ST18: variants seen among roughly 807,000 people sequenced by gnomAD.
ST18 encodes suppression of tumorigenicity 18 protein.
ST18 carries 50 observed loss-of-function variants against 110.0 expected under a neutral mutation model. The observed-to-expected ratio is 0.45, with a 90% CI of 0.36 to 0.58. The LOEUF is 0.58. Among genes scored for constraint, ST18 ranks in the 20% least tolerant of loss-of-function variants. The probability of loss-of-function intolerance (pLI) is 0.00; values close to 1 mark genes in which losing one functional copy is unlikely to be tolerated. For synonymous variants in ST18, 461 were observed against 452.4 expected, an observed-to-expected ratio of 1.02 and a Z score of -0.24; for missense variants, 1,306 against 1,280.1, an observed-to-expected ratio of 1.02 and a Z score of -0.31.
chr8:52,383,021 T>C (rs1175415606), intron 2 of ST18, among the ~76,000 whole-genome samples: 1 of 152,194 alleles, frequency 6.6e-6, no homozygotes, highest in Non-Finnish European at 1.5e-5. Flanking sequence ...TCTCCTTCTC[T>C]TCTCTCCCTT....
At position 52,113,954 on chromosome 8, in the gene ST18, G is replaced by GTTTTTTTTTTTTTTTTTTTTTTT. The variant is rs1158213340; in HGVS notation, c.3004-639_3004-617dup. ...CAAAGTTTAAATTTATTCATACCGT[G>GTTTTTTTTTTTTTTTTTTTTTTT]TTTTTTTTTTTTTTTTTTTTTTTTT... On this transcript the variant is annotated intron_variant, in intron 25 of 25. Transcript: ENST00000689386. Among the ~76,000 whole-genome samples the GTTTTTTTTTTTTTTTTTTTTTTT allele has an allele frequency of 8.8e-5, 4 of 45,422 alleles. 2 individuals carry two copies. Among genetic ancestry groups the GTTTTTTTTTTTTTTTTTTTTTTT allele is most frequent in the Admixed American group, 9.5e-4 (2 of 2,100 alleles). The allele number at this position is 45,422 out of a possible 152,430, so 29.8% of individuals were successfully genotyped here. A position where few individuals can be genotyped will look rare whatever the true frequency, so the allele number is the denominator to read the frequency against.
intron 10 of ST18, among the ~76,000 whole-genome samples, chr8:52,167,582 C>T (rs1043552057): frequency 6.6e-6 from 1 of 152,224 alleles, no homozygotes; most frequent in Non-Finnish European, 1.5e-5. Flanking sequence ...GAGATTCCAA[C>T]ACCCCCACGG....
intron 15 of ST18, among the ~76,000 whole-genome samples, chr8:52,155,212 A>C (rs2132784300): frequency 6.6e-6 from 1 of 152,050 alleles, no homozygotes. Flanking sequence ...AAAAAAAAAA[A>C]AAATTAAATT....
At chr8:52,335,352 A>T (rs140553977) in intron 2 of ST18, among the ~76,000 whole-genome samples, 8 of 152,232 alleles carry the variant, frequency 5.3e-5, no homozygotes, top group Non-Finnish European at 1.0e-4. Flanking sequence ...GGGATCCACC[A>T]CCAATCCTCT....
chr8:52,303,559 A>C (rs2095763983), intron 2 of ST18, among the ~76,000 whole-genome samples: 1 of 152,208 alleles, frequency 6.6e-6, no homozygotes, highest in Non-Finnish European at 1.5e-5. Flanking sequence ...CTTAATCAAG[A>C]GATCACAGTG....
At chr8:52,132,447 C>T (rs1301645550) in intron 21 of ST18, among the ~76,000 whole-genome samples, 2 of 152,112 alleles carry the variant, frequency 1.3e-5, no homozygotes, top group Non-Finnish European at 1.5e-5. Context: ...AACCTGCCGC[C>T]CATTTTATAA....
chr8:52,358,646 G>A (rs139814701), intron 2 of ST18, among the ~76,000 whole-genome samples: 86 of 151,782 alleles, frequency 5.7e-4, no homozygotes, highest in African/African-American at 1.9e-3. Context: ...AAACTGACTC[G>A]AGAAGAAATA....
At chr8:52,398,402 T>A (rs1291011357) in intron 2 of ST18, among the ~76,000 whole-genome samples, 1 of 152,206 alleles carries the variant, frequency 6.6e-6, no homozygotes, top group Non-Finnish European at 1.5e-5. Context: ...TTGGATACTT[T>A]CTATTTCTTT....
Position 52,361,799 on chromosome 8 carries a change from G to C in ST18, c.-465+47529C>G, listed in dbSNP as rs1032647683. 2.0e-5 allele frequency among the ~76,000 whole-genome samples: 3 copies of C among 152,150 alleles called. No individual in the cohort carries two copies. In the South Asian group the frequency reaches 6.2e-4, roughly 32 times the overall value. ...CGTTTGGGATCATGCTGAGAGGTAG[G>C]GTTTTATTTCTAGATTTTGTTTATT... On this transcript the variant is annotated intron_variant, in intron 2 of 25. Transcript: ENST00000689386.
intron 2 of ST18, among the ~76,000 whole-genome samples, chr8:52,371,329 G>GGCAACTAAAAAT (rs1465896333): frequency 6.6e-6 from 1 of 152,180 alleles, no homozygotes; most frequent in African/African-American, 2.4e-5. Flanking sequence ...TATAGAAAGT[G>GGCAACTAAAAAT]GCCAATAAAT....
At chr8:52,353,532 A>G (rs1590176982) in intron 2 of ST18, among the ~76,000 whole-genome samples, 1 of 152,248 alleles carries the variant, frequency 6.6e-6, no homozygotes, top group East Asian at 1.9e-4. Flanking sequence ...GACACACATG[A>G]AAAAATGTAT....
intron 8 of ST18, among the ~76,000 whole-genome samples, chr8:52,210,372 A>G (rs142649411): frequency 0.018 from 2,780 of 152,268 alleles, 91 homozygotes; most frequent in African/African-American, 0.062. Flanking sequence ...CAAAATTAAG[A>G]TTCTTAAGCC....
chr8:52,133,494 G>T (rs1238519525), intron 19 of ST18, among the ~76,000 whole-genome samples, 193 bp from the exon 20 acceptor site: 2 of 152,062 alleles, frequency 1.3e-5, no homozygotes, highest in Non-Finnish European at 2.9e-5. Context: ...GACTGTTTTT[G>T]CTTAAATATA....
At chr8:52,209,961 G>T in intron 8 of ST18, 1 of 405,796 alleles carries the variant, frequency 2.5e-6, no homozygotes. Flanking sequence ...TCTCTTCTAG[G>T]CCAATGTACA....
chr8:52,371,517 TA>T (rs553601536), intron 2 of ST18, among the ~76,000 whole-genome samples: 38 of 152,218 alleles, frequency 2.5e-4, no homozygotes, highest in Non-Finnish European at 4.0e-4. Context: ...TAGGTGCTGT[TA>T]AAAAAAATTA....
At chr8:52,343,163 G>A (rs908835855) in intron 2 of ST18, among the ~76,000 whole-genome samples, 2 of 152,136 alleles carry the variant, frequency 1.3e-5, no homozygotes, top group African/African-American at 4.8e-5. Flanking sequence ...TTTCAAGGAA[G>A]TAAAGCTCTT....
intron 2 of ST18, among the ~76,000 whole-genome samples, chr8:52,305,328 C>T (rs1329917289): frequency 6.6e-6 from 1 of 152,170 alleles, no homozygotes; most frequent in African/African-American, 2.4e-5. Flanking sequence ...GCCTGATTCT[C>T]ACTCCTTGGT....
chr8:52,155,283 C>T (rs1356108933), intron 15 of ST18, among the ~76,000 whole-genome samples: 3 of 152,110 alleles, frequency 2.0e-5, no homozygotes, highest in African/African-American at 7.2e-5. Context: ...ATCCACTAAG[C>T]ACTGATAGTG....
chr8:52,309,610 A>C (rs927232302), intron 2 of ST18, among the ~76,000 whole-genome samples: 2 of 151,824 alleles, frequency 1.3e-5, no homozygotes, highest in Admixed American at 1.3e-4. Flanking sequence ...ACTAAAATAC[A>C]GTTTCTTTAA....
Sources: allele counts gnomAD v4.1 joint callset (sites outside exome capture counted in the v4.1 genomes callset), GRCh38; gene constraint gnomAD v4.1.1; transcripts MANE v1.5; gene names NCBI Gene and HGNC (gene_info 2026-07-23, HGNC 2026-07-21).